The following AKAP19 variants were observed in gnomAD, a reference collection of about 807,000 sequenced individuals.
AKAP19 encodes the protein A-kinase anchoring protein 19.
At chr2:190,014,642 CT>C in the AKAP19 span, among the ~76,000 whole-genome samples, 285 of 146,530 alleles carry the variant, frequency 1.9e-3, 1 homozygote, top group Middle Eastern at 3.6e-3. Context: ...CTCAAATGTC[CT>C]TTTTTTTTTT....
chr2:190,079,890 T>TGTGTGTGTGTGTGTGTGA, the AKAP19 span: 2 of 109,434 alleles, frequency 1.8e-5, no homozygotes, highest in African/African-American at 6.5e-5. Context: ...TGTGTGTGTG[T>TGTGTGTGTGTGTGTGTGA]GAGAGAGAGA....
chr2:189,949,436 C>T, the AKAP19 span, among the ~76,000 whole-genome samples: 1 of 150,872 alleles, frequency 6.6e-6, no homozygotes, highest in African/African-American at 2.4e-5. Flanking sequence ...ACTCAGGAGG[C>T]TGAGGTTACA....
chr2:189,936,927 C>T, the AKAP19 span, among the ~76,000 whole-genome samples: 1 of 152,068 alleles, frequency 6.6e-6, no homozygotes, highest in African/African-American at 2.4e-5. Flanking sequence ...GAGTTCAAGA[C>T]CAGCCTGGGC....
chr2:189,899,112 C>T, the AKAP19 span, among the ~76,000 whole-genome samples: 14 of 152,290 alleles, frequency 9.2e-5, no homozygotes, highest in Admixed American at 4.6e-4. Context: ...CCCTCCTCTA[C>T]ACCATGTCAG....
At chr2:190,038,903 T>TC in the AKAP19 span, among the ~76,000 whole-genome samples, 43 of 92,196 alleles carry the variant, frequency 4.7e-4, no homozygotes, top group Middle Eastern at 4.6e-3. Flanking sequence ...TTTCTTTCTT[T>TC]CTTCTTCTTC....
At chr2:189,884,282 G>C in the AKAP19 span, among the ~76,000 whole-genome samples, 1 of 152,024 alleles carries the variant, frequency 6.6e-6, no homozygotes, top group African/African-American at 2.4e-5. Flanking sequence ...GTAAATTACA[G>C]CATCTTAACT....
the AKAP19 span, among the ~76,000 whole-genome samples, chr2:190,105,415 A>G: frequency 1.3e-5 from 2 of 152,186 alleles, no homozygotes; most frequent in Non-Finnish European, 2.9e-5. Flanking sequence ...ATTCCTGCTC[A>G]TAAAATCTCA....
At chr2:189,938,386 T>C in the AKAP19 span, among the ~76,000 whole-genome samples, 2 of 151,086 alleles carry the variant, frequency 1.3e-5, no homozygotes, top group African/African-American at 4.9e-5. Context: ...TATGGTGTAC[T>C]ATTCAGCCAT....
At chr2:190,020,370 C>T in the AKAP19 span, among the ~76,000 whole-genome samples, 2 of 152,086 alleles carry the variant, frequency 1.3e-5, no homozygotes, top group African/African-American at 4.8e-5. Context: ...GAAGTTATAG[C>T]TTTATTTCTG....
the AKAP19 span, among the ~76,000 whole-genome samples, chr2:189,971,506 G>A: frequency 3.3e-5 from 5 of 152,098 alleles, no homozygotes; most frequent in Admixed American, 6.5e-5. Context: ...CCCAGTAATG[G>A]AATGGCTGGG....
At chr2:189,956,412 G>A in the AKAP19 span, among the ~76,000 whole-genome samples, 6 of 151,482 alleles carry the variant, frequency 4.0e-5, no homozygotes, top group East Asian at 3.9e-4. Flanking sequence ...CTCGTGATCC[G>A]CCCGCCTCGG....
chr2:190,179,036 AT>A, the AKAP19 span, among the ~76,000 whole-genome samples: 2 of 152,224 alleles, frequency 1.3e-5, no homozygotes, highest in Admixed American at 6.5e-5. The surrounding 1 kb of genome is among the most constrained non-coding windows in gnomAD (Gnocchi z 6.0). Flanking sequence ...TTTGAGCATA[AT>A]TATTTAGCAT....
chr2:189,988,774 G>A, the AKAP19 span, among the ~76,000 whole-genome samples: 1 of 152,152 alleles, frequency 6.6e-6, no homozygotes, highest in Non-Finnish European at 1.5e-5. Context: ...CTTGGTACTG[G>A]CAAGAGACTA....
the AKAP19 span, among the ~76,000 whole-genome samples, chr2:189,943,152 C>G: frequency 5.9e-5 from 9 of 152,216 alleles, no homozygotes; most frequent in Non-Finnish European, 1.2e-4. Flanking sequence ...GAGACCTTCA[C>G]AGCAGCCCCT....
At chr2:190,098,277 T>C in the AKAP19 span, among the ~76,000 whole-genome samples, 1 of 152,192 alleles carries the variant, frequency 6.6e-6, no homozygotes, top group South Asian at 2.1e-4. Flanking sequence ...GCTTGATCCA[T>C]GGGCTACAGA....
chr2:190,038,901 TTTCTTCTTCTTCTTCTTC>T, the AKAP19 span, among the ~76,000 whole-genome samples: 6 of 46,016 alleles, frequency 1.3e-4, no homozygotes, highest in African/African-American at 1.4e-4. Context: ...TCTTTCTTTC[TTTCTTCTTCTTCTTCTTC>T]TTCTTCTTCT....
chr2:189,892,199 G>A, the AKAP19 span, among the ~76,000 whole-genome samples: 2 of 152,086 alleles, frequency 1.3e-5, no homozygotes, highest in Admixed American at 1.3e-4. Flanking sequence ...GCTCAGAGGA[G>A]TTCGTTATTA....
chr2:190,057,954 A>G, the AKAP19 span, among the ~76,000 whole-genome samples: 1 of 151,968 alleles, frequency 6.6e-6, no homozygotes, highest in Non-Finnish European at 1.5e-5. Flanking sequence ...GAAGAAAGGG[A>G]GGGAAGGAAG....
the AKAP19 span, chr2:190,062,159 G>C: frequency 6.3e-7 from 1 of 1,576,614 alleles, no homozygotes; most frequent in African/African-American, 1.4e-5. Flanking sequence ...AAATAGATCT[G>C]TTTCTCATAA....
Sources: allele counts gnomAD v4.1 joint callset (sites outside exome capture counted in the v4.1 genomes callset), GRCh38; gene constraint gnomAD v4.1.1; non-coding constraint Gnocchi (gnomAD v3.1); transcripts MANE v1.5; gene names NCBI Gene and HGNC (gene_info 2026-07-23, HGNC 2026-07-21).